TCF20: variants seen among roughly 807,000 people sequenced by gnomAD.
TCF20 encodes SPRE-binding protein.
TCF20 carries 3 observed loss-of-function variants against 148.6 expected under a neutral mutation model. The ratio of observed to expected loss-of-function variants is 0.02; its 90% CI spans 0.01 to 0.05. The LOEUF is 0.05. Ranked by LOEUF, TCF20 falls within the 10% of genes least tolerant of loss-of-function variation. TCF20 has a pLI of 1.00. For synonymous variants in TCF20, 1,049 were observed against 909.5 expected, an observed-to-expected ratio of 1.15 and a Z score of -2.76; for missense variants, 2,350 against 2,429.3, an observed-to-expected ratio of 0.97 and a Z score of 0.69.
At chr22:42,316,447 G>A (rs909546180) in intron 1 of TCF20, among the ~76,000 whole-genome samples, 8 of 152,156 alleles carry the variant, frequency 5.3e-5, no homozygotes, top group Non-Finnish European at 8.8e-5. Context: ...TACTCAAGGA[G>A]ACAGACTGGC....
At chr22:42,269,839 AG>A (rs1926499780) in intron 1 of TCF20, 1 of 152,210 alleles carries the variant, frequency 6.6e-6, no homozygotes, top group Non-Finnish European at 1.5e-5. Flanking sequence ...TGGGCGCCCC[AG>A]CGCGGCGCCC....
chr22:42,234,801 A>T (rs1923732783), intron 1 of TCF20, among the ~76,000 whole-genome samples: 1 of 152,144 alleles, frequency 6.6e-6, no homozygotes, highest in South Asian at 2.1e-4. Flanking sequence ...GGGTCAGAAA[A>T]CCTAATAATT....
At chr22:42,251,074 G>A (rs1194030109) in intron 1 of TCF20, among the ~76,000 whole-genome samples, 5 of 152,000 alleles carry the variant, frequency 3.3e-5, no homozygotes, top group African/African-American at 1.2e-4. Context: ...CCAATATTGG[G>A]GATTACAATT....
intron 1 of TCF20, among the ~76,000 whole-genome samples, chr22:42,232,337 A>G (rs1923493277): frequency 6.6e-6 from 1 of 152,112 alleles, no homozygotes. Flanking sequence ...ACAACGACAA[A>G]AATCACTCAA....
At position 42,213,362 on chromosome 22, in the gene TCF20, A is replaced by T. The variant is rs139885100; in HGVS notation, c.1944T>A (p.Ser648Arg). The change falls in exon 2 of 6, where the codon AGT becomes AGA. Residue 648 changes from serine to arginine, a missense_variant. Transcript: ENST00000677622. The part of the protein sequence containing the change: ...PPSNGGAKET[S>R]HASLPQPEPP... ...GCTCTGGCTGGGGAAGTGATGCATG[A>T]CTGGTTTCCTTTGCCCCACCATTGC... The T allele has an allele frequency of 1.9e-6, 3 of 1,613,886 alleles. No individual in the cohort carries two copies. The highest frequency in any genetic ancestry group is 2.7e-5 in the African/African-American group (2 of 74,862).
chr22:42,257,710 TAC>T (rs1403019137), intron 1 of TCF20, among the ~76,000 whole-genome samples: 2 of 152,208 alleles, frequency 1.3e-5, no homozygotes, highest in Non-Finnish European at 2.9e-5. Context: ...TATGTTGATA[TAC>T]CCAAAAGATA....
In TCF20 at chr22:42,210,891, G is replaced by A. The variant is rs1920942707; in HGVS notation, c.4415C>T (p.Pro1472Leu). ...ATCTGGTCTCCCTTGGTTACTACCA[G>A]GCTTCTGTGAGGTTGTGGATGTCAT... ...GAMTSTTSQK[P>L]GSNQGRPDGS... The change falls in exon 2 of 6, where the codon CCT (proline) becomes CTT (leucine). Residue 1472 changes from proline (P) to leucine (L), a missense_variant. Pro to Leu is a moderately conservative substitution (Grantham distance 98, BLOSUM62 -3). Transcript: ENST00000677622. The surrounding 1 kb of genome is among the most constrained non-coding windows in gnomAD (Gnocchi z 4.7). 5 of 1,614,178 alleles carry A rather than the reference G, an allele frequency of 3.1e-6. No individual in the cohort carries two copies. In the East Asian group the frequency reaches 1.1e-4, roughly 36 times the overall value.
chr22:42,207,996 T>C (rs1018529279), intron 2 of TCF20, among the ~76,000 whole-genome samples: 1 of 152,168 alleles, frequency 6.6e-6, no homozygotes, highest in East Asian at 1.9e-4. Flanking sequence ...GAGACCAGCC[T>C]GCCTGGGCAA....
chr22:42,210,407 A>G lies in TCF20; in HGVS notation c.4899T>C (p.Pro1633=). ...CACACTTATTTACTACATGGATGTA[A>G]GGGTAAAAAGACTTGTTCTTGGCAT... The part of the protein sequence containing the change: ...KTDAKNKSFY[P]YIHVVNKCEL... Residue 1633 remains proline (P), a synonymous_variant, in exon 2 of 6, where the codon CCT becomes CCC. Transcript: ENST00000677622. The surrounding 1 kb of genome is among the most constrained non-coding windows in gnomAD (Gnocchi z 4.7). The G allele has an allele frequency of 6.2e-7, 1 of 1,614,212 alleles. No individual in the cohort carries two copies. The highest frequency in any genetic ancestry group is 8.5e-7 in the Non-Finnish European group (1 of 1,180,038).
chr22:42,334,796 A>C (rs1928037639), intron 1 of TCF20, among the ~76,000 whole-genome samples: 1 of 152,200 alleles, frequency 6.6e-6, no homozygotes, highest in Non-Finnish European at 1.5e-5. Context: ...GCCTAGTCTA[A>C]GTGGGGAAGG....
intron 1 of TCF20, among the ~76,000 whole-genome samples, chr22:42,312,483 G>T (rs1175774786): frequency 7.2e-5 from 11 of 152,086 alleles, no homozygotes; most frequent in Admixed American, 7.2e-4. Flanking sequence ...AGCTATGGAG[G>T]CGGGCCTGGG....
At chr22:42,303,384 G>C (rs1391534955) in intron 1 of TCF20, among the ~76,000 whole-genome samples, 2 of 152,268 alleles carry the variant, frequency 1.3e-5, no homozygotes, top group Non-Finnish European at 2.9e-5. Flanking sequence ...CCTTGCCCCA[G>C]ATCAGACAGA....
At chr22:42,224,435 C>T (rs946987987) in intron 1 of TCF20, among the ~76,000 whole-genome samples, 1 of 150,052 alleles carries the variant, frequency 6.7e-6, no homozygotes, top group Non-Finnish European at 1.5e-5. Context: ...CCACTGCACT[C>T]CAGCCTGGGC....
intron 2 of TCF20, among the ~76,000 whole-genome samples, chr22:42,183,917 T>C (rs5758635): frequency 0.28 from 41,879 of 151,762 alleles, 6,844 homozygotes; most frequent in African/African-American, 0.45. Flanking sequence ...TACAGGCACC[T>C]GCCACCACGC....
chr22:42,301,413 C>A (rs774197941), intron 1 of TCF20, among the ~76,000 whole-genome samples: 9 of 152,156 alleles, frequency 5.9e-5, no homozygotes, highest in Non-Finnish European at 7.4e-5. Context: ...GGTGAGGGGG[C>A]TATGGTGGGG....
chr22:42,340,214 C>G (rs12169751), intron 1 of TCF20, among the ~76,000 whole-genome samples: 2,140 of 152,338 alleles, frequency 0.014, 48 homozygotes, highest in African/African-American at 0.049. Context: ...AGCCTGTCCC[C>G]ATCTGTTCCC....
intron 1 of TCF20, among the ~76,000 whole-genome samples, chr22:42,268,386 C>T (rs113862843): frequency 5.9e-5 from 9 of 152,244 alleles, no homozygotes; most frequent in African/African-American, 1.4e-4. Flanking sequence ...TCAGCATCTG[C>T]GGAGCACTGG....
intron 3 of TCF20, among the ~76,000 whole-genome samples, chr22:42,179,037 TAAAA>T (rs60142024): frequency 1.7e-5 from 2 of 120,952 alleles, no homozygotes; most frequent in African/African-American, 3.0e-5. Context: ...TGGCTACAAT[TAAAA>T]AAAAAAAAAA....
rs531825826 is a variant in TCF20 at position 42,174,970 on chromosome 22, G to A, written c.5749+4639C>T. Among the ~76,000 whole-genome samples, 139 of 151,738 alleles carry A rather than the reference G, an allele frequency of 9.2e-4. 1 individual carries two copies. Among genetic ancestry groups the A allele is most frequent in the African/African-American group, 2.8e-3 (116 of 41,362 alleles). On this transcript the variant is annotated intron_variant, in intron 3 of 5. Coordinates refer to ENST00000677622, the MANE Select transcript of TCF20 (RefSeq NM_001378418.1). ...GAATGGCGTGAACCCGGGAGGCGGA[G>A]CTTGCAGTGAGCCGAGATCGCGCCA...
Sources: gnomAD v4.1 joint callset for allele counts (sites outside exome capture counted in the v4.1 genomes callset) on GRCh38, gnomAD v4.1.1 for gene constraint, Gnocchi (gnomAD v3.1) non-coding constraint, MANE v1.5 for transcripts, NCBI Gene and HGNC (gene_info 2026-07-23, HGNC 2026-07-21) for gene names.